EML5: variants seen among roughly 807,000 people sequenced by gnomAD.
EML5 encodes the protein echinoderm microtubule-associated protein-like 5.
Under a neutral mutation model 250.0 loss-of-function variants are expected in EML5, and 120 were observed. The ratio of observed to expected loss-of-function variants is 0.48; its 90% CI spans 0.41 to 0.56. The LOEUF is 0.56. Ranked by LOEUF, EML5 falls within the 20% of genes least tolerant of loss-of-function variation. The pLI is 0.00. For synonymous variants in EML5, 771 were observed against 806.5 expected (o/e 0.96, Z 0.75); for missense variants, 2,006 against 2,437.6 (o/e 0.82, Z 3.73).
intron 26 of EML5, among the ~76,000 whole-genome samples, chr14:88,657,986 T>C (rs565183337): frequency 6.6e-6 from 1 of 152,338 alleles, no homozygotes; most frequent in South Asian, 2.1e-4. Context: ...TTTTCATTTG[T>C]AGATAAATAA....
chr14:88,675,745 T>C (rs1281251280), intron 21 of EML5, among the ~76,000 whole-genome samples: 1 of 152,198 alleles, frequency 6.6e-6, no homozygotes, highest in Non-Finnish European at 1.5e-5. Context: ...TCCTGAACTT[T>C]TATGCTCTGG....
Position 88,620,562 on chromosome 14 carries a change from G to A in EML5, c.5375+192C>T. ...ACTAGTACTTGCTATTATAGTTGGT[G>A]CCCAGTGGGTTTATAATTTAGCAAG... is the stretch of plus-strand genomic sequence containing the variant. On this transcript the variant is annotated intron_variant, in intron 39 of 43. Coordinates refer to ENST00000554922, the MANE Select transcript of EML5 (RefSeq NM_183387.3). The surrounding 1 kb of genome is among the most constrained non-coding windows in gnomAD (Gnocchi z 4.3). The A allele has an allele frequency of 2.2e-6, 1 of 457,412 alleles. No homozygotes were observed. Among genetic ancestry groups the A allele is most frequent in the Non-Finnish European group, 3.8e-6 (1 of 266,650 alleles). 28.3% of individuals were successfully genotyped at this position (457,412 alleles called of 1,614,324 possible). A position where few individuals can be genotyped will look rare whatever the true frequency, so the allele number is the denominator to read the frequency against.
intron 21 of EML5, among the ~76,000 whole-genome samples, chr14:88,672,771 T>C (rs1445091526): frequency 6.6e-6 from 1 of 151,888 alleles, no homozygotes; most frequent in Non-Finnish European, 1.5e-5. Context: ...TCTATGCAAA[T>C]AAAATAGAAA....
chr14:88,748,812 C>G (rs1392397059), intron 2 of EML5, among the ~76,000 whole-genome samples: 2 of 151,920 alleles, frequency 1.3e-5, no homozygotes, highest in Non-Finnish European at 2.9e-5. Context: ...AAAGGATTAA[C>G]AGCAGCTCAG....
Position 88,616,168 on chromosome 14 carries a change from A to G in EML5, c.5871T>C (p.Val1957=), listed in dbSNP as rs1372361723. The stretch of plus-strand genomic sequence containing the variant: ...TGCAGTCATCACCTCCAGCACTAAC[A>G]ACATGTCGATCACCACTGGTAAATC... ...NIRFTSGDRH[V]VSAGGDDCSL... Residue 1957 remains valine (V), a synonymous_variant, in exon 43 of 44, where the codon GTT becomes GTC. Transcript: ENST00000554922. 1.9e-6 allele frequency: 3 copies of G among 1,613,814 alleles called. No individual in the cohort carries two copies. Among genetic ancestry groups the G allele is most frequent in the Non-Finnish European group, 2.5e-6 (3 of 1,179,824 alleles).
intron 30 of EML5, among the ~76,000 whole-genome samples, chr14:88,643,229 TCTATATAAAG>T (rs1423697974): frequency 1.3e-5 from 2 of 152,176 alleles, no homozygotes; most frequent in Non-Finnish European, 2.9e-5. Context: ...TCTATACTTT[TCTATATAAAG>T]TTATGAAAAG....
intron 21 of EML5, among the ~76,000 whole-genome samples, chr14:88,679,775 T>A (rs545109027): frequency 6.6e-6 from 1 of 152,212 alleles, no homozygotes; most frequent in Non-Finnish European, 1.5e-5. Flanking sequence ...CTTGAAGCCA[T>A]CAAACAAGAG....
At chr14:88,630,510 TG>T (rs1249517896) in intron 33 of EML5, among the ~76,000 whole-genome samples, 1 of 152,154 alleles carries the variant, frequency 6.6e-6, no homozygotes, top group Non-Finnish European at 1.5e-5. Flanking sequence ...AGAGCGTAAG[TG>T]ATTCAGGGGA....
At chr14:88,686,461 G>A (rs534096357) in intron 19 of EML5, among the ~76,000 whole-genome samples, 37 of 152,114 alleles carry the variant, frequency 2.4e-4, no homozygotes, top group African/African-American at 6.0e-4. Context: ...CCCACAGCCC[G>A]GAGGATGGTC....
chr14:88,626,441 G>A (rs957349241), intron 35 of EML5: 10 of 183,946 alleles, frequency 5.4e-5, no homozygotes, highest in South Asian at 1.1e-4. Flanking sequence ...GCAACATAGC[G>A]AAACCCTGTC....
chr14:88,674,802 A>T lies in EML5; in HGVS notation c.3124+7088T>A, dbSNP rs113262575. 2.0e-3 allele frequency among the ~76,000 whole-genome samples: 305 copies of T among 150,304 alleles called. 1 individual carries two copies. Among genetic ancestry groups the T allele is most frequent in the Non-Finnish European group, 3.1e-3 (211 of 67,700 alleles). ...GAGCTTGTAAAATCAAAAGCAAGTT[A>T]CTTACTTCCTAGATACAATGGGGGT... On this transcript the variant is annotated intron_variant, in intron 21 of 43. Coordinates refer to ENST00000554922, the MANE Select transcript of EML5 (RefSeq NM_183387.3).
At chr14:88,658,751 TTTAC>T (rs969071607) in intron 25 of EML5, among the ~76,000 whole-genome samples, 2 of 152,164 alleles carry the variant, frequency 1.3e-5, no homozygotes, top group African/African-American at 2.4e-5. Flanking sequence ...TACCATGGTA[TTTAC>T]TTATAGTAGT....
At chr14:88,631,874 T>C (rs983443403) in intron 33 of EML5, among the ~76,000 whole-genome samples, 1 of 152,312 alleles carries the variant, frequency 6.6e-6, no homozygotes, top group Non-Finnish European at 1.5e-5. Flanking sequence ...TTCTCCCACA[T>C]TGCAAAGTGA....
At chr14:88,729,589 T>G (rs2093721609) in intron 7 of EML5, among the ~76,000 whole-genome samples, 1 of 151,330 alleles carries the variant, frequency 6.6e-6, no homozygotes, top group Admixed American at 6.6e-5. Flanking sequence ...TGAGACAGAG[T>G]CTCACTTTGT....
At chr14:88,661,374 G>C (rs2092094909) in intron 25 of EML5, among the ~76,000 whole-genome samples, 1 of 152,162 alleles carries the variant, frequency 6.6e-6, no homozygotes, top group African/African-American at 2.4e-5. Context: ...GGGATTATAG[G>C]CATGAGCCAC....
At chr14:88,617,026 C>G in intron 41 of EML5, 147 bp from the exon 42 acceptor site, 1 of 606,872 alleles carries the variant, frequency 1.6e-6, no homozygotes, top group Admixed American at 3.1e-5. Flanking sequence ...GTTTGGAGAC[C>G]TGAATTTCAT....
intron 1 of EML5, among the ~76,000 whole-genome samples, chr14:88,780,662 G>A (rs939651528): frequency 1.3e-5 from 2 of 151,828 alleles, no homozygotes; most frequent in African/African-American, 4.8e-5. Context: ...TGCAACCTCC[G>A]CCTCCCAGAT....
rs182968609 is a variant in EML5, at chr14:88,643,058, T to G, written c.4108-36A>C. Reference sequence around the variant, plus strand: ...AATAATAAAACCATTATATTCTTCCTCATGTATAAATGTTCACCACTGTTT... The same window carrying G: ...AATAATAAAACCATTATATTCTTCCGCATGTATAAATGTTCACCACTGTTT... On this transcript the variant is annotated intron_variant, in intron 30 of 43. Coordinates refer to ENST00000554922, the MANE Select transcript of EML5 (RefSeq NM_183387.3). 121 of 1,535,146 alleles carry G rather than the reference T, an allele frequency of 7.9e-5. No individual in the cohort carries two copies. The East Asian group carries it at 2.5e-3, about 31-fold the overall frequency.
intron 31 of EML5, among the ~76,000 whole-genome samples, chr14:88,640,369 T>C (rs1042579177): frequency 2.0e-5 from 3 of 152,162 alleles, no homozygotes; most frequent in Middle Eastern, 3.4e-3. Flanking sequence ...CTACCCACAG[T>C]GCAAAATAGA....
Sources: allele counts gnomAD v4.1 joint callset (sites outside exome capture counted in the v4.1 genomes callset), GRCh38; gene constraint gnomAD v4.1.1; non-coding constraint Gnocchi (gnomAD v3.1); transcripts MANE v1.5; gene names NCBI Gene and HGNC (gene_info 2026-07-23, HGNC 2026-07-21).